Variants in PIK3C2G observed in about 807,000 individuals in gnomAD.
PIK3C2G encodes the protein phosphatidylinositol 3-kinase C2 domain-containing subunit gamma.
PIK3C2G carries 168 observed loss-of-function variants against 181.1 expected under a neutral mutation model. The observed-to-expected ratio is 0.93, with a 90% confidence interval of 0.82 to 1.05. The LOEUF is 1.05. PIK3C2G is among the 50% of genes least tolerant of loss of function. PIK3C2G has a pLI of 0.00. For missense variants in PIK3C2G, 1,869 were observed against 1,732.8 expected (o/e 1.08, Z -1.40); for synonymous variants, 573 against 592.2 (o/e 0.97, Z 0.47).
At chr12:18,493,908 A>G (rs1199666039) in intron 20 of PIK3C2G, among the ~76,000 whole-genome samples, 3 of 152,170 alleles carry the variant, frequency 2.0e-5, no homozygotes, top group Non-Finnish European at 4.4e-5. Context: ...ACAATGAACC[A>G]TTCCCTATTT....
the PIK3C2G span, chr12:18,688,135 A>G: frequency 6.2e-7 from 1 of 1,611,752 alleles, no homozygotes; most frequent in Non-Finnish European, 8.5e-7. Flanking sequence ...GATCATTTGG[A>G]ACACCAAAAA....
chr12:18,640,653 T>A (rs990285202), intron 32 of PIK3C2G, 99 bp downstream of exon 32: 2 of 1,050,012 alleles, frequency 1.9e-6, no homozygotes, highest in Non-Finnish European at 2.8e-6. Flanking sequence ...TTGGCAGCAT[T>A]ATTTCATAAA....
the PIK3C2G span, among the ~76,000 whole-genome samples, chr12:18,687,227 G>A: frequency 6.6e-6 from 1 of 152,114 alleles, no homozygotes; most frequent in African/African-American, 2.4e-5. Flanking sequence ...ATTCAGGGGA[G>A]TGCAAAGGAG....
intron 8 of PIK3C2G, among the ~76,000 whole-genome samples, chr12:18,327,613 A>T (rs1271294330): frequency 6.6e-6 from 1 of 151,984 alleles, no homozygotes; most frequent in Non-Finnish European, 1.5e-5. Flanking sequence ...TTCACTGGAC[A>T]TTTTTTCCTC....
intron 31 of PIK3C2G, among the ~76,000 whole-genome samples, chr12:18,619,826 G>A (rs1022184811): frequency 4.0e-5 from 6 of 150,396 alleles, no homozygotes; most frequent in African/African-American, 9.8e-5. Flanking sequence ...CCGGGTTCAC[G>A]CCATTCTTCT....
intron 8 of PIK3C2G, among the ~76,000 whole-genome samples, chr12:18,336,461 T>G (rs1938543479): frequency 6.6e-6 from 1 of 152,146 alleles, no homozygotes; most frequent in African/African-American, 2.4e-5. Flanking sequence ...CTTTCTCAAA[T>G]CTAGTACCCA....
downstream of PIK3C2G, among the ~76,000 whole-genome samples, chr12:18,652,614 T>C (rs2136900594): frequency 6.6e-6 from 1 of 152,216 alleles, no homozygotes; most frequent in Admixed American, 6.5e-5. Flanking sequence ...CCACAAATAC[T>C]TGGCACAATG....
chr12:18,591,763 A>C (rs947197049), intron 29 of PIK3C2G, among the ~76,000 whole-genome samples: 1 of 151,830 alleles, frequency 6.6e-6, no homozygotes, highest in African/African-American at 2.4e-5. Context: ...ATTTTGAAAG[A>C]TCTGTTGAGC....
rs746605490 is a variant in PIK3C2G at position 18,286,914 on chromosome 12, G to A, written c.746G>A (p.Cys249Tyr). 12 of 1,558,154 alleles carry A rather than the reference G, an allele frequency of 7.7e-6. No homozygotes were observed. The highest frequency in any genetic ancestry group is 2.3e-5 in the East Asian group (1 of 42,768). Residue 249 changes from cysteine (C) to tyrosine (Y), a missense_variant, in exon 3 of 33, where the codon TGC becomes TAC. Coordinates refer to ENST00000538779, the MANE Select transcript of PIK3C2G (RefSeq NM_001288772.2). ...AGCAATACGAGTCTGGCCTCTTTTT[G>A]CAACAAAGTAAAAAAGTGAGTACTG... is the stretch of plus-strand genomic sequence containing the variant. The part of the protein sequence containing the change: ...QSSNTSLASF[C>Y]NKVKKIRERY...
At chr12:18,510,406 TAATA>T (rs1942130326) in intron 24 of PIK3C2G, among the ~76,000 whole-genome samples, 1 of 152,238 alleles carries the variant, frequency 6.6e-6, no homozygotes, top group Non-Finnish European at 1.5e-5. Flanking sequence ...TTCACTGTAG[TAATA>T]AACTCAAAAT....
intron 1 of PIK3C2G, among the ~76,000 whole-genome samples, chr12:18,251,679 C>A (rs919085359): frequency 6.6e-6 from 1 of 151,946 alleles, no homozygotes; most frequent in South Asian, 2.1e-4. Context: ...TCTTGAAATA[C>A]GTAGCACAAA....
chr12:18,495,813 G>A (rs1565448396), intron 20 of PIK3C2G, among the ~76,000 whole-genome samples: 1 of 152,082 alleles, frequency 6.6e-6, no homozygotes. Flanking sequence ...GAAAAAACGT[G>A]GTTGAAGATC....
intron 30 of PIK3C2G, among the ~76,000 whole-genome samples, chr12:18,608,139 G>A (rs180989471): frequency 6.6e-6 from 1 of 152,250 alleles, no homozygotes; most frequent in Admixed American, 6.5e-5. Flanking sequence ...CATTGTGGAA[G>A]TCAGTGTGGT....
chr12:18,546,446 T>C lies in PIK3C2G; in HGVS notation c.3590+14T>C, dbSNP rs1187028895. On this transcript the variant is annotated intron_variant, in intron 26 of 32. Transcript: ENST00000538779. The stretch of plus-strand genomic sequence containing the variant: ...TCATTTTACCAAGTAAGATCACCTA[T>C]GAATGTGTGAGCATGCATGCATGAA... 1.4e-6 allele frequency: 2 copies of C among 1,383,406 alleles called. No individual in the cohort carries two copies. Among genetic ancestry groups the C allele is most frequent in the Admixed American group, 3.6e-5 (2 of 55,016 alleles). 85.7% of individuals were successfully genotyped at this position (1,383,406 alleles called of 1,614,324 possible).
At chr12:18,269,340 G>A (rs1343658845) in intron 1 of PIK3C2G, among the ~76,000 whole-genome samples, 1 of 149,962 alleles carries the variant, frequency 6.7e-6, no homozygotes, top group Non-Finnish European at 1.5e-5. Flanking sequence ...TTTTTTTTTG[G>A]TGAAGAACAT....
intron 18 of PIK3C2G, among the ~76,000 whole-genome samples, chr12:18,464,663 A>G (rs2135950430): frequency 6.6e-6 from 1 of 152,174 alleles, no homozygotes; most frequent in East Asian, 1.9e-4. Flanking sequence ...AAAATATATT[A>G]TTTAGTTTTA....
chr12:18,464,242 T>C (rs1244311826), intron 18 of PIK3C2G, among the ~76,000 whole-genome samples: 2 of 152,076 alleles, frequency 1.3e-5, no homozygotes, highest in Non-Finnish European at 2.9e-5. Flanking sequence ...TCCTCATAGA[T>C]GGTACCTTGT....
At chr12:18,380,841 A>G (rs753484589) in intron 13 of PIK3C2G, among the ~76,000 whole-genome samples, 11 of 152,218 alleles carry the variant, frequency 7.2e-5, no homozygotes, top group Non-Finnish European at 1.5e-4. Context: ...TTTTTTCCTC[A>G]TGCTTTGCAT....
chr12:18,257,760 GA>G (rs148489516), upstream of PIK3C2G, among the ~76,000 whole-genome samples: 9 of 140,094 alleles, frequency 6.4e-5, no homozygotes, highest in Admixed American at 2.2e-4. Flanking sequence ...AAGGAGGGAG[GA>G]AAAAAAGAAG....
Sources: allele counts gnomAD v4.1 joint callset (sites outside exome capture counted in the v4.1 genomes callset), GRCh38; gene constraint gnomAD v4.1.1; transcripts MANE v1.5; gene names NCBI Gene and HGNC (gene_info 2026-07-23, HGNC 2026-07-21).